FSTL5: variants seen among roughly 807,000 people sequenced by gnomAD.
FSTL5 encodes the protein follistatin-related protein 5.
Under a neutral mutation model 89.1 loss-of-function variants are expected in FSTL5, and 62 were observed. That is an observed-to-expected ratio of 0.70 (90% confidence interval 0.57 to 0.86). The LOEUF (loss-of-function observed/expected upper bound fraction) is 0.86. FSTL5 is among the 40% of genes least tolerant of loss of function. FSTL5 has a pLI of 0.00. For synonymous variants in FSTL5, 383 were observed against 346.2 expected (o/e 1.11, Z -1.18); for missense variants, 1,057 against 1,001.6 (o/e 1.06, Z -0.75).
intron 3 of FSTL5, among the ~76,000 whole-genome samples, chr4:161,943,373 A>T (rs1004118920): frequency 2.0e-5 from 3 of 151,626 alleles, no homozygotes; most frequent in African/African-American, 7.3e-5. Flanking sequence ...CTATTTTTGT[A>T]GTTTTAACAT....
intron 8 of FSTL5, among the ~76,000 whole-genome samples, chr4:161,586,954 TA>T: frequency 6.6e-6 from 1 of 152,324 alleles, no homozygotes; most frequent in South Asian, 2.1e-4. Context: ...AGTAAATAAC[TA>T]AAATTTGAAT....
chr4:161,807,196 T>TACACAC (rs10561299), intron 4 of FSTL5, among the ~76,000 whole-genome samples: 7,369 of 146,546 alleles, frequency 0.05, 209 homozygotes, highest in Middle Eastern at 0.1. Context: ...CACATGAGAA[T>TACACAC]ACACACACAC....
At chr4:161,747,508 T>C (rs1740241529) in intron 6 of FSTL5, among the ~76,000 whole-genome samples, 1 of 152,236 alleles carries the variant, frequency 6.6e-6, no homozygotes, top group Non-Finnish European at 1.5e-5. Context: ...AGGGTAATCT[T>C]GCAAAGTTCT....
chr4:162,015,458 A>T (rs939543584), intron 3 of FSTL5, among the ~76,000 whole-genome samples: 1 of 152,174 alleles, frequency 6.6e-6, no homozygotes, highest in Admixed American at 6.5e-5. Flanking sequence ...CTTCTCTGAT[A>T]TTCATGTGTA....
At chr4:161,679,373 G>T (rs1262225786) in intron 6 of FSTL5, among the ~76,000 whole-genome samples, 4 of 151,474 alleles carry the variant, frequency 2.6e-5, no homozygotes, top group Non-Finnish European at 5.9e-5. Context: ...AAAATGATAT[G>T]AATTAAGATT....
chr4:161,779,592 C>T (rs1451975959), intron 4 of FSTL5, among the ~76,000 whole-genome samples: 1 of 151,294 alleles, frequency 6.6e-6, no homozygotes, highest in African/African-American at 2.4e-5. Context: ...GGTTATAGAA[C>T]TAGGAAGGGC....
chr4:161,658,441 G>A (rs889126991), intron 6 of FSTL5, among the ~76,000 whole-genome samples: 4 of 151,136 alleles, frequency 2.6e-5, no homozygotes, highest in African/African-American at 4.9e-5. Context: ...CCTGTGTGTC[G>A]CAGTGAGAAT....
At chr4:161,788,645 G>A (rs915830450) in intron 4 of FSTL5, among the ~76,000 whole-genome samples, 1 of 152,164 alleles carries the variant, frequency 6.6e-6, no homozygotes, top group Non-Finnish European at 1.5e-5. Flanking sequence ...CAACACTTTG[G>A]GAGGTAGAGG....
intron 4 of FSTL5, among the ~76,000 whole-genome samples, chr4:161,878,789 T>C (rs577775688): frequency 1.3e-5 from 2 of 152,286 alleles, no homozygotes; most frequent in African/African-American, 2.4e-5. Flanking sequence ...ATGGTTATTA[T>C]ATTTAAATAC....
At chr4:161,941,250 C>T (rs1734573451) in intron 3 of FSTL5, among the ~76,000 whole-genome samples, 1 of 151,676 alleles carries the variant, frequency 6.6e-6, no homozygotes, top group East Asian at 1.9e-4. Flanking sequence ...AACTGAAGAA[C>T]AAAAATATGT....
chr4:161,807,575 A>ACTT (rs1730009191), intron 4 of FSTL5, among the ~76,000 whole-genome samples: 13 of 152,174 alleles, frequency 8.5e-5, no homozygotes, highest in African/African-American at 3.1e-4. Flanking sequence ...GGTGGGTCAT[A>ACTT]GGTCTCTGCA....
intron 12 of FSTL5, among the ~76,000 whole-genome samples, chr4:161,490,245 G>A (rs78312425): frequency 0.011 from 1,659 of 152,166 alleles, 34 homozygotes; most frequent in African/African-American, 0.037. Context: ...TGGAACATCC[G>A]ATATAATACA....
In FSTL5 at chr4:161,712,226, C is replaced by T. The variant is rs150347187; in HGVS notation, c.727+47185G>A. On this transcript the variant is annotated intron_variant, in intron 6 of 15. Transcript: ENST00000306100. ...GCACAACCCTAAATATACTAAAAATCATTGAATTCGTACACTTCATATGGG... is the reference window on the plus strand; with the variant it reads ...GCACAACCCTAAATATACTAAAAATTATTGAATTCGTACACTTCATATGGG... 4.3e-4 allele frequency among the ~76,000 whole-genome samples: 66 copies of T among 152,076 alleles called. 3 individuals carry two copies. In the South Asian group the frequency reaches 0.014, roughly 31 times the overall value.
rs146972204 is a variant in FSTL5 at position 161,503,446 on chromosome 4, T to G, written c.1340-3312A>C. Among the ~76,000 whole-genome samples the G allele has an allele frequency of 8.3e-4, 126 of 151,926 alleles. 2 individuals are homozygous for G. The highest frequency in any genetic ancestry group is 6.8e-3 in the Middle Eastern group (2 of 294). Reference sequence around the variant, plus strand: ...CTTGAGCCAGCTAAAAGATCAACTTTATTTTCTAGTAAAGCATTTCTTAAA... The same window carrying G: ...CTTGAGCCAGCTAAAAGATCAACTTGATTTTCTAGTAAAGCATTTCTTAAA... On this transcript the variant is annotated intron_variant, in intron 11 of 15. Coordinates refer to ENST00000306100, the MANE Select transcript of FSTL5 (RefSeq NM_020116.5).
chr4:161,784,915 CA>C (rs981244968), intron 4 of FSTL5, among the ~76,000 whole-genome samples: 1,028 of 74,926 alleles, frequency 0.014, 41 homozygotes, highest in African/African-American at 0.044. Flanking sequence ...AACAAACAAA[CA>C]AAAAAAAGAA....
rs1329389256 is a variant in FSTL5 at position 161,920,426 on chromosome 4, G to C, written c.387C>G (p.His129Gln). 6.2e-7 allele frequency: 1 copy of C among 1,613,944 alleles called. No individual in the cohort carries two copies. Among genetic ancestry groups the C allele is most frequent in the Non-Finnish European group, 8.5e-7 (1 of 1,179,900 alleles). ...TACCTTTAAAGAAGCAGTCTTCATT[G>C]TGAACAATGGTAATCTTTTGTTTTT... ...CLKKQKITIV[H>Q]NEDCFFKGDK... The change falls in exon 4 of 16, where the codon CAC (histidine) becomes CAG (glutamine). Residue 129 changes from histidine (H) to glutamine (Q), a missense_variant. His to Gln is a conservative substitution (Grantham distance 24). Around this residue, in one of 3 missense-constraint regions of FSTL5, gnomAD observed 980 missense variants for 903.2 expected, o/e 1.08. Coordinates refer to ENST00000306100, the MANE Select transcript of FSTL5 (RefSeq NM_020116.5).
chr4:161,637,607 T>C (rs1735771746), intron 7 of FSTL5, among the ~76,000 whole-genome samples: 1 of 138,234 alleles, frequency 7.2e-6, no homozygotes, highest in Non-Finnish European at 1.6e-5. Flanking sequence ...GTCTAACGTT[T>C]AAATCTTTAA....
intron 10 of FSTL5, among the ~76,000 whole-genome samples, chr4:161,530,725 C>G (rs1731382951): frequency 6.6e-6 from 1 of 151,996 alleles, no homozygotes; most frequent in African/African-American, 2.4e-5. Flanking sequence ...CTGGATTAAT[C>G]ATATTCCTTA....
rs148259642 is a variant in FSTL5, at chr4:161,653,705, C to T, written c.894+2623G>A. Among the ~76,000 whole-genome samples the T allele has an allele frequency of 6.0e-3, 918 of 152,194 alleles. 9 individuals are homozygous for T. The highest frequency in any genetic ancestry group is 0.046 in the South Asian group (220 of 4,832). The stretch of plus-strand genomic sequence containing the variant: ...AAGTATCAAATGAAAGACAGTTTAA[C>T]TGATATTTTGCATTTGTCACATTAC... On this transcript the variant is annotated intron_variant, in intron 7 of 15. Transcript: ENST00000306100.
Sources: gnomAD v4.1 joint callset for allele counts (sites outside exome capture counted in the v4.1 genomes callset) on GRCh38, gnomAD v4.1.1 for gene constraint, gnomAD v4.1.1 regional missense constraint, MANE v1.5 for transcripts, NCBI Gene and HGNC (gene_info 2026-07-23, HGNC 2026-07-21) for gene names.